Variants in CSMD1 observed in about 807,000 individuals in gnomAD.
CSMD1 encodes the protein CUB and Sushi multiple domains 1, also known as CUB and sushi domain-containing protein 1.
A neutral mutation model predicts 417.5 loss-of-function variants in CSMD1; 213 were observed. The observed-to-expected ratio is 0.51, with a 90% CI of 0.46 to 0.57. CSMD1 has a LOEUF of 0.57. Ranked by LOEUF, CSMD1 falls within the 20% of genes least tolerant of loss-of-function variation. The pLI is 0.00. For synonymous variants in CSMD1, 2,862 were observed against 1,736.8 expected (o/e 1.65, Z -16.11); for missense variants, 6,923 against 4,529.7 (o/e 1.53, Z -15.17).
chr8:4,547,094 C>G (rs1168842051), intron 2 of CSMD1, among the ~76,000 whole-genome samples: 5 of 152,136 alleles, frequency 3.3e-5, no homozygotes, highest in Non-Finnish European at 7.3e-5. Flanking sequence ...TTCATAGTCA[C>G]CTAAAATTCA....
intron 5 of CSMD1, among the ~76,000 whole-genome samples, chr8:3,931,876 G>C (rs139883737): frequency 6.8e-6 from 1 of 146,030 alleles, no homozygotes; most frequent in South Asian, 2.3e-4. Flanking sequence ...AGTGATTTTG[G>C]TTGTCAGACA....
chr8:4,289,399 G>A (rs1037348109), intron 3 of CSMD1, among the ~76,000 whole-genome samples: 1 of 63,982 alleles, frequency 1.6e-5, no homozygotes. Context: ...AGTTAAAGTA[G>A]AGGGAGCCAG....
At chr8:4,713,973 C>A (rs1048061616) in intron 1 of CSMD1, among the ~76,000 whole-genome samples, 1 of 152,000 alleles carries the variant, frequency 6.6e-6, no homozygotes, top group Non-Finnish European at 1.5e-5. Context: ...GGTAAAACCC[C>A]GTCTCCACTA....
chr8:4,142,667 G>T (rs77567688), intron 3 of CSMD1, among the ~76,000 whole-genome samples: 45,249 of 150,786 alleles, frequency 0.3, 8,431 homozygotes, highest in Non-Finnish European at 0.39. Context: ...GATTCTGGCC[G>T]TGGCTTCTTT....
intron 3 of CSMD1, among the ~76,000 whole-genome samples, chr8:4,303,135 C>G (rs190373476): frequency 8.5e-5 from 13 of 152,218 alleles, no homozygotes; most frequent in African/African-American, 2.2e-4. Flanking sequence ...ATGATTTTCT[C>G]TAGGAACTAA....
chr8:3,237,889 A>C (rs1460830241), intron 26 of CSMD1, among the ~76,000 whole-genome samples: 2 of 138,120 alleles, frequency 1.4e-5, no homozygotes, highest in South Asian at 2.2e-4. Context: ...TATAAATATA[A>C]TTTTTATAAT....
chr8:4,482,169 T>G (rs1801138013), intron 2 of CSMD1, among the ~76,000 whole-genome samples: 1 of 152,172 alleles, frequency 6.6e-6, no homozygotes, highest in Non-Finnish European at 1.5e-5. Flanking sequence ...CATGGGGGTT[T>G]GCTGTATAGA....
chr8:3,264,426 C>T (rs1357123580), intron 26 of CSMD1, among the ~76,000 whole-genome samples: 1 of 152,078 alleles, frequency 6.6e-6, no homozygotes, highest in Non-Finnish European at 1.5e-5. Flanking sequence ...TTTTGCCACA[C>T]AAGTGTCAGG....
In CSMD1 at chr8:3,626,345, G is replaced by A. The variant is rs541808076; in HGVS notation, c.1010-9548C>T. 7.2e-5 allele frequency among the ~76,000 whole-genome samples: 11 copies of A among 152,282 alleles called. No individual in the cohort carries two copies. In the South Asian group the frequency reaches 1.2e-3, roughly 17 times the overall value. ...CTCACTCAAAAATATCTTACAGGAT[G>A]CCCAATTATTCATGGTCTCCTCACA... is the stretch of plus-strand genomic sequence containing the variant. On this transcript the variant is annotated intron_variant, in intron 7 of 69. Transcript: ENST00000635120.
chr8:3,407,765 A>T, intron 14 of CSMD1, 134 bp downstream of exon 14: 1 of 780,458 alleles, frequency 1.3e-6, no homozygotes, highest in Admixed American at 2.9e-5. Flanking sequence ...TAATTTTACT[A>T]CTGTCATTTT....
chr8:3,490,553 C>G (rs1010671781), intron 11 of CSMD1, among the ~76,000 whole-genome samples: 2 of 152,046 alleles, frequency 1.3e-5, no homozygotes, highest in African/African-American at 2.4e-5. Flanking sequence ...TTTCAGCTCT[C>G]CGGAGTGTTT....
chr8:3,419,815 T>C (rs1360419613), intron 12 of CSMD1, among the ~76,000 whole-genome samples: 6 of 152,210 alleles, frequency 3.9e-5, no homozygotes, highest in Non-Finnish European at 8.8e-5. Context: ...AATTGCTTTA[T>C]TTTCCTGCTA....
chr8:3,325,699 C>A (rs537743470), intron 23 of CSMD1, among the ~76,000 whole-genome samples: 1 of 152,246 alleles, frequency 6.6e-6, no homozygotes, highest in South Asian at 2.1e-4. Flanking sequence ...TGGCAGGCGC[C>A]TATAATCCCA....
chr8:3,142,733 T>G (rs1818581459), intron 40 of CSMD1, 59 bp from the exon 41 acceptor site: 6 of 1,371,874 alleles, frequency 4.4e-6, no homozygotes, highest in Non-Finnish European at 6.2e-6. Context: ...AAATCAATGC[T>G]CATAAAAAGG....
At chr8:4,427,785 A>C (rs561697579) in intron 2 of CSMD1, among the ~76,000 whole-genome samples, 1 of 152,340 alleles carries the variant, frequency 6.6e-6, no homozygotes, top group Non-Finnish European at 1.5e-5. Flanking sequence ...ACAGATTTTT[A>C]TCACAATGTA....
chr8:4,210,348 T>C (rs978289782), intron 3 of CSMD1, among the ~76,000 whole-genome samples: 2 of 152,250 alleles, frequency 1.3e-5, no homozygotes, highest in African/African-American at 4.8e-5. Flanking sequence ...GTAAGTTGTA[T>C]GATACCAACT....
intron 36 of CSMD1, among the ~76,000 whole-genome samples, chr8:3,184,906 C>T (rs1020345): frequency 0.45 from 67,919 of 151,694 alleles, 15,334 homozygotes; most frequent in South Asian, 0.58. Flanking sequence ...TTTGACAAGT[C>T]CCTGCTCCAA....
chr8:4,496,357 C>T lies in CSMD1; in HGVS notation c.303-76292G>A, dbSNP rs552039440. Among the ~76,000 whole-genome samples the T allele has an allele frequency of 7.4e-4, 112 of 152,270 alleles. 1 individual carries two copies. Among genetic ancestry groups the T allele is most frequent in the Non-Finnish European group, 4.7e-4 (32 of 68,024 alleles). On this transcript the variant is annotated intron_variant, in intron 2 of 69. Transcript: ENST00000635120. Reference sequence around the variant, plus strand: ...TGCTCAGACTGCCTCCAGTGATCAGCAGCGCAGGAGTCCATCCTGACAGGG... The same window carrying T: ...TGCTCAGACTGCCTCCAGTGATCAGTAGCGCAGGAGTCCATCCTGACAGGG...
chr8:4,512,025 G>T (rs1460139914), intron 2 of CSMD1, among the ~76,000 whole-genome samples: 4 of 152,096 alleles, frequency 2.6e-5, no homozygotes, highest in Non-Finnish European at 5.9e-5. Flanking sequence ...CATGGACATG[G>T]TTGCAAAAAT....
Sources: gnomAD v4.1 joint callset for allele counts (sites outside exome capture counted in the v4.1 genomes callset) on GRCh38, gnomAD v4.1.1 for gene constraint, MANE v1.5 for transcripts, NCBI Gene and HGNC (gene_info 2026-07-23, HGNC 2026-07-21) for gene names.